DST: variants seen among roughly 807,000 people sequenced by gnomAD.
The protein encoded by DST is dystonin, also known as bullous pemphigoid antigen.
DST carries 253 observed loss-of-function variants against 875.2 expected under a neutral mutation model. That is an observed-to-expected ratio of 0.29 (90% CI 0.26 to 0.32). The LOEUF (loss-of-function observed/expected upper bound fraction) is 0.32. Among genes scored for constraint, DST ranks in the 10% least tolerant of loss-of-function variants. The pLI is 1.00. For missense variants in DST, 8,287 were observed against 9,111.6 expected (o/e 0.91, Z 3.68); for synonymous variants, 3,124 against 3,197.1 (o/e 0.98, Z 0.77).
At chr6:56,588,594 G>A (rs2098210311) in intron 49 of DST, among the ~76,000 whole-genome samples, 1 of 152,056 alleles carries the variant, frequency 6.6e-6, no homozygotes, top group Admixed American at 6.6e-5. Context: ...CACATAGCAG[G>A]CTCCAAAAAT....
At chr6:56,931,988 T>C (rs1810534757) in intron 2 of DST, among the ~76,000 whole-genome samples, 1 of 152,130 alleles carries the variant, frequency 6.6e-6, no homozygotes, top group Non-Finnish European at 1.5e-5. Flanking sequence ...GGTTTTGAAA[T>C]GTGAGGACAG....
intron 13 of DST, among the ~76,000 whole-genome samples, chr6:56,648,256 C>T (rs747348175): frequency 1.8e-4 from 27 of 152,028 alleles, no homozygotes; most frequent in Non-Finnish European, 3.7e-4. Context: ...CTACCTCAAG[C>T]CATCTCGGGG....
At chr6:56,731,141 A>G (rs892847369) in intron 5 of DST, among the ~76,000 whole-genome samples, 1 of 152,220 alleles carries the variant, frequency 6.6e-6, no homozygotes, top group Non-Finnish European at 1.5e-5. Flanking sequence ...ATGGAGCAGC[A>G]GTGGTTGAAG....
At chr6:56,921,930 C>G (rs564254390) in intron 2 of DST, among the ~76,000 whole-genome samples, 2 of 152,244 alleles carry the variant, frequency 1.3e-5, no homozygotes, top group Admixed American at 1.3e-4. Context: ...GGCACAAAGA[C>G]TTTGCACACA....
At chr6:56,517,748 C>CT in intron 69 of DST, 128 bp from the exon 70 acceptor site, 1 of 1,123,448 alleles carries the variant, frequency 8.9e-7, no homozygotes, top group Non-Finnish European at 1.2e-6. Context: ...TCATGGCATC[C>CT]TAAAATAATT....
At chr6:56,525,760 T>C (rs996375868) in intron 69 of DST, among the ~76,000 whole-genome samples, 1 of 152,212 alleles carries the variant, frequency 6.6e-6, no homozygotes, top group Non-Finnish European at 1.5e-5. Flanking sequence ...ACCCCACTCA[T>C]TGCCCACAGT....
intron 10 of DST, among the ~76,000 whole-genome samples, chr6:56,667,367 A>AT (rs1469077054): frequency 3.9e-5 from 6 of 152,280 alleles, no homozygotes; most frequent in South Asian, 4.1e-4. Context: ...TCTTCATTTA[A>AT]TTTTTTCATA....
chr6:56,767,252 A>C (rs1198722998), intron 4 of DST, among the ~76,000 whole-genome samples: 2 of 152,164 alleles, frequency 1.3e-5, no homozygotes, highest in Non-Finnish European at 2.9e-5. Context: ...TACACTGGTA[A>C]ACAAAACAAA....
At chr6:56,594,238 T>A (rs1285056140) in intron 47 of DST, 45 bp from the exon 48 acceptor site, 3 of 1,472,986 alleles carry the variant, frequency 2.0e-6, no homozygotes, top group African/African-American at 2.8e-5. Flanking sequence ...AGTAACGGGG[T>A]AACACCTGCA....
intron 4 of DST, among the ~76,000 whole-genome samples, chr6:56,778,464 T>C (rs929578063): frequency 1.3e-5 from 2 of 151,132 alleles, no homozygotes; most frequent in African/African-American, 4.9e-5. Flanking sequence ...ACATATGCCA[T>C]GTTGGTATGC....
At chr6:56,639,798 C>T (rs1300018525) in intron 19 of DST, 25 bp from the exon 20 acceptor site, 1 of 1,605,190 alleles carries the variant, frequency 6.2e-7, no homozygotes, top group Non-Finnish European at 8.5e-7. Context: ...TAAAAAGACA[C>T]TCCAGTCAGG....
At chr6:56,745,207 T>C (rs1021878256) in intron 4 of DST, among the ~76,000 whole-genome samples, 1 of 152,254 alleles carries the variant, frequency 6.6e-6, no homozygotes, top group Non-Finnish European at 1.5e-5. Context: ...ATACAAATGC[T>C]GTTATTTCCA....
chr6:56,605,319 A>C lies in DST; in HGVS notation c.9309T>G (p.Leu3103=). Residue 3103 remains leucine (L), a synonymous_variant, in exon 40 of 104, where the codon CTT becomes CTG. Coordinates refer to ENST00000680361, the MANE Select transcript of DST (RefSeq NM_001374736.1). Reference sequence around the variant, plus strand: ...CTTTTTTAAGGCTTCCTTTCTGATTAAGTTCTTCATTGTTTGTGATTTGTG... The same window carrying C: ...CTTTTTTAAGGCTTCCTTTCTGATTCAGTTCTTCATTGTTTGTGATTTGTG... The part of the protein sequence containing the change: ...PFPQITNNEE[L]NQKGSLKKAT... The C allele has an allele frequency of 1.9e-6, 3 of 1,612,242 alleles. No homozygotes were observed. The highest frequency in any genetic ancestry group is 2.5e-6 in the Non-Finnish European group (3 of 1,179,080).
At chr6:56,803,588 A>C (rs1017475299) in intron 4 of DST, among the ~76,000 whole-genome samples, 1 of 152,184 alleles carries the variant, frequency 6.6e-6, no homozygotes, top group African/African-American at 2.4e-5. Flanking sequence ...GCTCCCTTTC[A>C]ATAAAAAAGA....
intron 9 of DST, among the ~76,000 whole-genome samples, chr6:56,673,492 G>C (rs537102059): frequency 6.6e-6 from 1 of 152,144 alleles, no homozygotes; most frequent in Non-Finnish European, 1.5e-5. Flanking sequence ...GTTAACTAGG[G>C]AAGTCAGTAA....
chr6:56,536,620 C>T (rs1276186897), intron 62 of DST, among the ~76,000 whole-genome samples, 159 bp downstream of exon 62: 1 of 152,180 alleles, frequency 6.6e-6, no homozygotes, highest in African/African-American at 2.4e-5. Context: ...CCCTACCTAG[C>T]TCCAGTAGGC....
At chr6:56,741,358 C>G (rs1265322954) in intron 4 of DST, among the ~76,000 whole-genome samples, 1 of 152,184 alleles carries the variant, frequency 6.6e-6, no homozygotes, top group Non-Finnish European at 1.5e-5. Flanking sequence ...AAATAACACA[C>G]ATAATTCATA....
rs2098784569 is a variant in DST, at chr6:56,631,930, C to T, written c.3916G>A (p.Glu1306Lys). Residue 1306 changes from glutamate to lysine, a missense_variant, in exon 29 of 104, where the codon GAA becomes AAA. By Grantham distance (56) the Glu-to-Lys change is moderately conservative. Coordinates refer to ENST00000680361, the MANE Select transcript of DST (RefSeq NM_001374736.1). ...RLIRQIRTPL[E>K]RDDLHESVFR... Reference sequence around the variant, plus strand: ...ACACTTTCATGCAAATCATCTCTTTCCAGGGGAGTTCGAATCTGTCTAATC... The same window carrying T: ...ACACTTTCATGCAAATCATCTCTTTTCAGGGGAGTTCGAATCTGTCTAATC... 6.2e-7 allele frequency: 1 copy of T among 1,614,006 alleles called. No homozygotes were observed. Among genetic ancestry groups the T allele is most frequent in the African/African-American group, 1.3e-5 (1 of 75,036 alleles).
rs1331310760 is a variant in DST, at chr6:56,463,554, C to T, written c.22959+11G>A. On this transcript the variant is annotated intron_variant, in intron 101 of 103. Transcript: ENST00000680361. ...CAAAGGTGGAGGAAAAGTCTTCATC[C>T]TGAGTCTTACCTTGGGTGTGGTGGT... 4 of 1,554,172 alleles carry T rather than the reference C, an allele frequency of 2.6e-6. No homozygotes were observed. Among genetic ancestry groups the T allele is most frequent in the Admixed American group, 2.0e-5 (1 of 51,092 alleles).
Sources: allele counts gnomAD v4.1 joint callset (sites outside exome capture counted in the v4.1 genomes callset), GRCh38; gene constraint gnomAD v4.1.1; transcripts MANE v1.5; gene names NCBI Gene and HGNC (gene_info 2026-07-23, HGNC 2026-07-21).